Variants in SNX29 observed in about 807,000 individuals in gnomAD.
The protein encoded by SNX29 is sorting nexin-29.
Under a neutral mutation model 102.1 loss-of-function variants are expected in SNX29, and 78 were observed. The observed-to-expected ratio is 0.76, with a 90% CI of 0.64 to 0.92. The LOEUF (loss-of-function observed/expected upper bound fraction) is 0.92, where lower values mean the gene tolerates loss of function less well. Among genes scored for constraint, SNX29 ranks in the 40% least tolerant of loss-of-function variants. The pLI is 0.00. For missense variants in SNX29, 1,280 were observed against 1,061.7 expected (o/e 1.21, Z -2.86); for synonymous variants, 580 against 414.5 (o/e 1.40, Z -4.85).
intron 15 of SNX29, among the ~76,000 whole-genome samples, chr16:12,321,543 C>CG (rs914239725): frequency 6.6e-6 from 1 of 152,010 alleles, no homozygotes; most frequent in South Asian, 2.1e-4. Flanking sequence ...TTTGAGAGAG[C>CG]GGGGGGAGGA....
chr16:12,357,694 C>T (rs2082178181), intron 16 of SNX29, among the ~76,000 whole-genome samples: 1 of 152,186 alleles, frequency 6.6e-6, no homozygotes, highest in Non-Finnish European at 1.5e-5. Context: ...CAGTCAGTGC[C>T]TGCTCCCCAC....
At chr16:12,183,694 A>C (rs2076445554) in intron 13 of SNX29, among the ~76,000 whole-genome samples, 1 of 152,240 alleles carries the variant, frequency 6.6e-6, no homozygotes, top group Non-Finnish European at 1.5e-5. Context: ...ATGAGGCTGA[A>C]ACTACTAGGC....
At chr16:12,088,114 C>G in intron 11 of SNX29, 1 of 456,688 alleles carries the variant, frequency 2.2e-6, no homozygotes, top group Non-Finnish European at 4.4e-6. Flanking sequence ...CCGTGGGTGT[C>G]TGAGGCTGCA....
chr16:12,384,366 A>G (rs888073985), intron 16 of SNX29, among the ~76,000 whole-genome samples: 5 of 152,170 alleles, frequency 3.3e-5, no homozygotes, highest in African/African-American at 1.2e-4. Context: ...TTTTCTCCAT[A>G]TCCTCGCCAG....
intron 3 of SNX29, among the ~76,000 whole-genome samples, chr16:12,014,175 G>T (rs1457373356): frequency 6.6e-6 from 1 of 152,092 alleles, no homozygotes; most frequent in African/African-American, 2.4e-5. Context: ...CAGACTTGGA[G>T]ATCCCATTGA....
intron 13 of SNX29, among the ~76,000 whole-genome samples, chr16:12,156,514 C>T (rs988423981): frequency 5.3e-5 from 8 of 152,092 alleles, no homozygotes; most frequent in Non-Finnish European, 2.9e-5. Flanking sequence ...CTGGGTTTCC[C>T]TCCTTGCCTC....
At position 12,058,781 on chromosome 16, in the gene SNX29, A is replaced by T. The variant is rs577781198; in HGVS notation, c.1125-2747A>T. On this transcript the variant is annotated intron_variant, in intron 8 of 20. Transcript: ENST00000566228. Reference sequence around the variant, plus strand: ...AGTGTTGGGATTACAGGTGTGAGCCACAGCACCCGGCCTGGGTTTTTTTTT... The same window carrying T: ...AGTGTTGGGATTACAGGTGTGAGCCTCAGCACCCGGCCTGGGTTTTTTTTT... Among the ~76,000 whole-genome samples, 158 of 143,522 alleles carry T rather than the reference A, an allele frequency of 1.1e-3. 1 individual carries two copies. Among genetic ancestry groups the T allele is most frequent in the Non-Finnish European group, 1.7e-3 (113 of 66,696 alleles). The allele number at this position is 143,522 out of a possible 152,430, so 94.2% of individuals were successfully genotyped here. A position where few individuals can be genotyped will look rare whatever the true frequency, so the allele number is the denominator to read the frequency against.
At chr16:12,022,936 G>A (rs1300427313) in intron 3 of SNX29, among the ~76,000 whole-genome samples, 2 of 127,338 alleles carry the variant, frequency 1.6e-5, no homozygotes, top group African/African-American at 6.0e-5. Flanking sequence ...TCTCTCTGTT[G>A]CCCAAGCTGG....
chr16:12,029,599 T>G (rs1001148885), intron 4 of SNX29: 16 of 453,420 alleles, frequency 3.5e-5, no homozygotes, highest in Admixed American at 2.6e-4. Flanking sequence ...TTTGATTTTT[T>G]TTTTTTTTTT....
chr16:12,279,656 G>T (rs2079369806), intron 15 of SNX29, among the ~76,000 whole-genome samples: 1 of 152,216 alleles, frequency 6.6e-6, no homozygotes, highest in African/African-American at 2.4e-5. Context: ...GGGACGACTT[G>T]TGTCAGGATT....
At chr16:12,402,056 C>G (rs576675403) in intron 17 of SNX29, among the ~76,000 whole-genome samples, 4 of 152,324 alleles carry the variant, frequency 2.6e-5, no homozygotes, top group African/African-American at 9.6e-5. Context: ...GGAGAATGTT[C>G]TAGGCACTAA....
At chr16:12,085,088 AAAG>A (rs1420911860) in intron 11 of SNX29, among the ~76,000 whole-genome samples, 1 of 151,896 alleles carries the variant, frequency 6.6e-6, no homozygotes, top group Non-Finnish European at 1.5e-5. Context: ...AAGAAAAAAA[AAAG>A]AAATCCCCAG....
intron 18 of SNX29, among the ~76,000 whole-genome samples, chr16:12,425,133 C>T (rs75369821): frequency 0.011 from 1,697 of 152,222 alleles, 37 homozygotes; most frequent in African/African-American, 0.039. Flanking sequence ...AACGCAAAAG[C>T]GGGTGAGACC....
At position 12,568,957 on chromosome 16, in the gene SNX29, G is replaced by A; in HGVS notation, c.*328G>A. 5.3e-6 allele frequency: 2 copies of A among 379,834 alleles called. No homozygotes were observed. The highest frequency in any genetic ancestry group is 4.5e-5 in the South Asian group (1 of 22,296). 23.5% of individuals were successfully genotyped at this position (379,834 alleles called of 1,614,324 possible). A position where few individuals can be genotyped will look rare whatever the true frequency, so the allele number is the denominator to read the frequency against. ...GGCAGGAGGGTGGGCACCAGGTCAG[G>A]CTGGGTGCGCCATGGTTGAGAGGCA... On this transcript the variant is annotated 3_prime_UTR_variant, in exon 21 of 21. Coordinates refer to ENST00000566228, the MANE Select transcript of SNX29 (RefSeq NM_032167.5).
rs141394316 is a variant in SNX29, at chr16:12,481,674, A to G, written c.2178+3815A>G. Among the ~76,000 whole-genome samples, 62 of 152,152 alleles carry G rather than the reference A, an allele frequency of 4.1e-4. No homozygotes were observed. In the East Asian group the frequency reaches 6.8e-3, roughly 17 times the overall value. ...CTCAGCCTCCCGAGTAGCTGGGACT[A>G]TAGGCACCCACCACCACACTCAGCT... On this transcript the variant is annotated intron_variant, in intron 19 of 20. Coordinates refer to ENST00000566228, the MANE Select transcript of SNX29 (RefSeq NM_032167.5).
At chr16:12,057,302 G>T (rs2050560460) in intron 8 of SNX29, among the ~76,000 whole-genome samples, 1 of 152,178 alleles carries the variant, frequency 6.6e-6, no homozygotes, top group African/African-American at 2.4e-5. Context: ...GAGACCTTGG[G>T]TTGGCGCCCT....
intron 11 of SNX29, chr16:12,088,110 G>T (rs1373209120): frequency 8.8e-6 from 4 of 456,722 alleles, no homozygotes; most frequent in South Asian, 6.2e-5. Context: ...CCTGCCGTGG[G>T]TGTCTGAGGC....
At position 12,570,095 on chromosome 16, in the gene SNX29, C is replaced by G. The variant is rs556725472; in HGVS notation, c.*1466C>G. The G allele has an allele frequency of 4.1e-5, 39 of 942,928 alleles. No individual in the cohort carries two copies. In the African/African-American group the frequency reaches 5.8e-4, roughly 14 times the overall value. The allele number at this position is 942,928 out of a possible 1,614,324, so 58.4% of individuals were successfully genotyped here. On this transcript the variant is annotated 3_prime_UTR_variant, in exon 21 of 21. Coordinates refer to ENST00000566228, the MANE Select transcript of SNX29 (RefSeq NM_032167.5). ...TGGAAGGTTTATACTGTGCCTTCCC[C>G]TCGTAGCAAAAAGGAAGATTGTTCA...
chr16:12,105,783 G>A (rs1035382469), intron 11 of SNX29, among the ~76,000 whole-genome samples: 7 of 152,170 alleles, frequency 4.6e-5, no homozygotes, highest in African/African-American at 1.7e-4. Flanking sequence ...GCACAGGTGA[G>A]CCACAGTCCT....
Sources: allele counts gnomAD v4.1 joint callset (sites outside exome capture counted in the v4.1 genomes callset), GRCh38; gene constraint gnomAD v4.1.1; transcripts MANE v1.5; gene names NCBI Gene and HGNC (gene_info 2026-07-23, HGNC 2026-07-21).